LMLN: variants seen among roughly 807,000 people sequenced by gnomAD.
The protein encoded by LMLN is leishmanolysin like peptidase.
LMLN carries 70 observed loss-of-function variants against 92.3 expected under a neutral mutation model. That is an observed-to-expected ratio of 0.76 (90% confidence interval 0.63 to 0.92). The LOEUF (loss-of-function observed/expected upper bound fraction) is 0.92. Ranked by LOEUF, LMLN falls within the 40% of genes least tolerant of loss-of-function variation. The probability of loss-of-function intolerance (pLI) is 0.00; values close to 1 mark genes in which losing one functional copy is unlikely to be tolerated. For synonymous variants in LMLN, 308 were observed against 296.2 expected (o/e 1.04, Z -0.41); for missense variants, 691 against 814.6 (o/e 0.85, Z 1.85).
rs1321998084 is a variant in LMLN at position 198,031,250 on chromosome 3, G to T, written c.1657-4583G>T. Among the ~76,000 whole-genome samples the T allele has an allele frequency of 1.3e-5, 2 of 152,206 alleles. No homozygotes were observed. Among genetic ancestry groups the T allele is most frequent in the East Asian group, 3.8e-4 (2 of 5,200 alleles). ...AGTAAAATGTATGCGGAGGCTAAAG[G>T]AAGATAAGAATTATTTTAAGAAGGT... On this transcript the variant is annotated intron_variant, in intron 14 of 15. Coordinates refer to ENST00000330198, the Ensembl canonical transcript of LMLN. The surrounding 1 kb of genome is among the most constrained non-coding windows in gnomAD (Gnocchi z 4.8).
intron 1 of LMLN, 118 bp downstream of exon 1, chr3:197,960,558 G>A: frequency 2.2e-6 from 2 of 917,722 alleles, no homozygotes; most frequent in Admixed American, 2.6e-5. Context: ...TTGGGGCAGA[G>A]CCTGACTCTT....
At chr3:197,987,692 A>C (rs1721752212) in intron 8 of LMLN, among the ~76,000 whole-genome samples, 2 of 152,354 alleles carry the variant, frequency 1.3e-5, no homozygotes, top group Admixed American at 1.3e-4. Flanking sequence ...TAGATTTCCC[A>C]AACTGGGATT....
intron 2 of LMLN, among the ~76,000 whole-genome samples, 159 bp from the exon 3 acceptor site, chr3:197,974,883 A>G (rs573319774): frequency 1.3e-5 from 2 of 152,364 alleles, no homozygotes; most frequent in African/African-American, 4.8e-5. Flanking sequence ...AGTAAAGTGA[A>G]AGCAAGGTTA....
chr3:198,042,878 A>G lies in LMLN; in HGVS notation c.*4211A>G, dbSNP rs954654883. 3 of 152,210 alleles carry G rather than the reference A, an allele frequency of 2.0e-5. No individual in the cohort carries two copies. Among genetic ancestry groups the G allele is most frequent in the African/African-American group, 7.2e-5 (3 of 41,454 alleles). 9.4% of individuals were successfully genotyped at this position (152,210 alleles called of 1,614,324 possible). ...TGGCAAACAGGTAGGTTGTCCTCAT[A>G]TAGATCCTTCCAGTATTCTGAAAAA... On this transcript the variant is annotated 3_prime_UTR_variant, in exon 16 of 16. Coordinates refer to ENST00000330198, the Ensembl canonical transcript of LMLN. This position sits in a 1 kb window ranked among gnomAD's most constrained non-coding sequence, Gnocchi z 4.2.
At chr3:197,970,848 A>G (rs1721203601) in intron 1 of LMLN, among the ~76,000 whole-genome samples, 1 of 152,202 alleles carries the variant, frequency 6.6e-6, no homozygotes, top group South Asian at 2.1e-4. Flanking sequence ...TCACGTATTT[A>G]CCATTTCCAA....
intron 11 of LMLN, among the ~76,000 whole-genome samples, chr3:198,000,069 T>C (rs1481549480): frequency 6.6e-6 from 1 of 152,132 alleles, no homozygotes; most frequent in Admixed American, 6.5e-5. Context: ...GTTTATTTTT[T>C]TAAGTAGAGA....
intron 7 of LMLN, among the ~76,000 whole-genome samples, chr3:197,984,920 C>G (rs1721660823): frequency 6.6e-6 from 1 of 151,992 alleles, no homozygotes; most frequent in Non-Finnish European, 1.5e-5. Flanking sequence ...CAAGTGATCC[C>G]CCCCGCCTCA....
intron 7 of LMLN, among the ~76,000 whole-genome samples, chr3:197,984,319 G>A (rs1246303156): frequency 6.6e-6 from 1 of 152,030 alleles, no homozygotes; most frequent in Non-Finnish European, 1.5e-5. Context: ...AGTGAGCCGA[G>A]ATTGTGCCAC....
chr3:197,992,828 A>G (rs1721913989), intron 9 of LMLN, among the ~76,000 whole-genome samples: 1 of 152,180 alleles, frequency 6.6e-6, no homozygotes, highest in South Asian at 2.1e-4. Flanking sequence ...ACAAGGCCAT[A>G]AGAAAAGAAA....
At chr3:198,001,634 C>G (rs1054568658) in intron 11 of LMLN, among the ~76,000 whole-genome samples, 1 of 152,178 alleles carries the variant, frequency 6.6e-6, no homozygotes, top group African/African-American at 2.4e-5. Context: ...GCAGAAGTTG[C>G]AGGCATTTTG....
chr3:197,999,469 G>A, intron 11 of LMLN, 127 bp downstream of exon 11: 1 of 652,970 alleles, frequency 1.5e-6, no homozygotes. Flanking sequence ...TTTGAATCTT[G>A]TACAGTTAGC....
chr3:197,974,356 C>T lies in LMLN; in HGVS notation c.220-21C>T, dbSNP rs113596055. 203 of 1,354,508 alleles carry T rather than the reference C, an allele frequency of 1.5e-4. No individual in the cohort carries two copies. In the East Asian group the frequency reaches 4.4e-3, roughly 30 times the overall value. 83.9% of individuals were successfully genotyped at this position (1,354,508 alleles called of 1,614,324 possible). On this transcript the variant is annotated intron_variant, in intron 1 of 15. Transcript: ENST00000330198. Reference sequence around the variant, plus strand: ...TAATCTGTATGTCTTAAACAGTTTTCAAATCCGTTCCTTTTTTCAGGTCAT... The same window carrying T: ...TAATCTGTATGTCTTAAACAGTTTTTAAATCCGTTCCTTTTTTCAGGTCAT...
intron 11 of LMLN, among the ~76,000 whole-genome samples, chr3:198,016,823 GT>G (rs200849734): frequency 6.7e-4 from 102 of 151,450 alleles, no homozygotes; most frequent in African/African-American, 2.4e-3. Flanking sequence ...TGTCAGCAAG[GT>G]TTTTTTTTGA....
intron 10 of LMLN, among the ~76,000 whole-genome samples, chr3:197,998,046 T>G (rs547943177): frequency 7.2e-5 from 11 of 152,196 alleles, no homozygotes; most frequent in African/African-American, 2.4e-4. Flanking sequence ...TTAGAAGGAA[T>G]ACACAGCGTG....
intron 1 of LMLN, among the ~76,000 whole-genome samples, chr3:197,961,145 C>T (rs1202453637): frequency 1.3e-5 from 2 of 152,152 alleles, no homozygotes; most frequent in African/African-American, 2.4e-5. Context: ...TGTCTGTACT[C>T]CCTCCTGGCA....
chr3:197,967,789 C>G (rs994322033), intron 1 of LMLN, among the ~76,000 whole-genome samples: 12 of 152,172 alleles, frequency 7.9e-5, no homozygotes, highest in Admixed American at 7.9e-4. Flanking sequence ...AAGACAGACA[C>G]TTCCAGAGTG....
At chr3:197,982,789 T>C (rs2109869338) in intron 6 of LMLN, among the ~76,000 whole-genome samples, 1 of 152,316 alleles carries the variant, frequency 6.6e-6, no homozygotes, top group African/African-American at 2.4e-5. Context: ...GGAAACACCT[T>C]GTAGATCAAT....
chr3:198,015,254 C>G (rs1170083568), intron 11 of LMLN, among the ~76,000 whole-genome samples: 2 of 123,682 alleles, frequency 1.6e-5, no homozygotes, highest in East Asian at 5.0e-4. Context: ...TTCAGAGCCC[C>G]CTAACTAGTC....
At chr3:197,960,298 G>C (rs1334016772) in exon 1 of LMLN, 2 of 1,613,820 alleles carry the variant, frequency 1.2e-6, no homozygotes, top group Non-Finnish European at 1.7e-6. Flanking sequence ...GGCCCGGGCC[G>C]GAGCCGGTGG....
Sources: allele counts gnomAD v4.1 joint callset (sites outside exome capture counted in the v4.1 genomes callset), GRCh38; gene constraint gnomAD v4.1.1; non-coding constraint Gnocchi (gnomAD v3.1); transcripts MANE v1.5; gene names NCBI Gene and HGNC (gene_info 2026-07-23, HGNC 2026-07-21).